ADH7: variants seen among roughly 807,000 people sequenced by gnomAD.
ADH7 encodes alcohol dehydrogenase 7 (class IV), mu or sigma polypeptide, also known as all-trans-retinol dehydrogenase [NAD(+)] ADH7.
Under a neutral mutation model 34.4 loss-of-function variants are expected in ADH7, and 41 were observed. The observed-to-expected ratio is 1.19, with a 90% CI of 0.93 to 1.55. ADH7 has a LOEUF of 1.55. ADH7 is among the 40% of genes most tolerant of loss of function. ADH7 has a pLI of 0.00. For missense variants in ADH7, 540 were observed against 461.2 expected, an observed-to-expected ratio of 1.17 and a Z score of -1.56; for synonymous variants, 180 against 160.9, an observed-to-expected ratio of 1.12 and a Z score of -0.90.
intron 6 of ADH7, among the ~76,000 whole-genome samples, 184 bp downstream of exon 6, chr4:99,420,349 G>A (rs192400140): frequency 1.4e-3 from 213 of 152,236 alleles, no homozygotes; most frequent in African/African-American, 4.8e-3. Context: ...CAGTGAACCT[G>A]CTCTTAAGTG....
chr4:99,425,713 A>G (rs1396701148), intron 5 of ADH7, among the ~76,000 whole-genome samples: 1 of 152,230 alleles, frequency 6.6e-6, no homozygotes, highest in Non-Finnish European at 1.5e-5. Flanking sequence ...AGTGGACCTA[A>G]TAGACATCTA....
intron 5 of ADH7, among the ~76,000 whole-genome samples, chr4:99,424,541 C>T (rs983834649): frequency 1.2e-4 from 19 of 152,170 alleles, no homozygotes; most frequent in African/African-American, 3.9e-4. Context: ...TCTTTGTATC[C>T]TCTTTTATTT....
At chr4:99,414,181 T>C (rs1400559118) in intron 8 of ADH7, among the ~76,000 whole-genome samples, 2 of 152,158 alleles carry the variant, frequency 1.3e-5, no homozygotes, top group Non-Finnish European at 2.9e-5. Context: ...CTGAGTAAAG[T>C]AGTACTGAGT....
intron 5 of ADH7, among the ~76,000 whole-genome samples, chr4:99,427,151 T>C (rs1721826875): frequency 6.6e-6 from 1 of 152,162 alleles, no homozygotes; most frequent in Non-Finnish European, 1.5e-5. Context: ...CCAGGGATCC[T>C]ATCTAACATC....
rs1721431803 is a variant in ADH7 at position 99,412,581 on chromosome 4, G to C, written c.*567C>G. The C allele has an allele frequency of 6.6e-6, 1 of 152,054 alleles. No homozygotes were observed. Among genetic ancestry groups the C allele is most frequent in the Non-Finnish European group, 1.5e-5 (1 of 67,974 alleles). 9.4% of individuals were successfully genotyped at this position (152,054 alleles called of 1,614,324 possible). On this transcript the variant is annotated 3_prime_UTR_variant, in exon 9 of 9. Coordinates refer to ENST00000437033, the MANE Select transcript of ADH7 (RefSeq NM_000673.7). Reference sequence around the variant, plus strand: ...CAGTTTCACCAAGTTATGTAATGATGATTCTTAATCGTTGAAAAATGTGCC... The same window carrying C: ...CAGTTTCACCAAGTTATGTAATGATCATTCTTAATCGTTGAAAAATGTGCC...
At chr4:99,429,456 C>A in intron 2 of ADH7, 76 bp downstream of exon 2, 1 of 1,019,362 alleles carries the variant, frequency 9.8e-7, no homozygotes. Flanking sequence ...TTTAAGAATC[C>A]AGCCTCACAA....
At chr4:99,417,281 T>G (rs1242452630) in intron 7 of ADH7, among the ~76,000 whole-genome samples, 1 of 152,150 alleles carries the variant, frequency 6.6e-6, no homozygotes, top group African/African-American at 2.4e-5. Context: ...CCATATAATT[T>G]AAGGTCCTCT....
In ADH7 at chr4:99,427,846, G is replaced by C. The variant is rs201288224; in HGVS notation, c.491C>G (p.Ala164Gly). Residue 164 changes from alanine (A) to glycine (G), a missense_variant, in exon 5 of 9, where the codon GCT (alanine) becomes GGT (glycine). Coordinates refer to ENST00000437033, the MANE Select transcript of ADH7 (RefSeq NM_000673.7). ...ESSVAKIDDA[A>G]PPEKVCLIGC... is the part of the protein sequence containing the mutation. ...AATTAAACAGACTTTCTCAGGAGGA[G>C]CTGCATCATCAATCTTAGCAACAGA... 4.7e-5 allele frequency: 76 copies of C among 1,612,886 alleles called. 1 individual carries two copies. In the East Asian group the frequency reaches 1.7e-3, roughly 35 times the overall value.
intron 6 of ADH7, 70 bp from the exon 7 acceptor site, chr4:99,419,191 C>T: frequency 6.7e-7 from 1 of 1,499,842 alleles, no homozygotes; most frequent in Non-Finnish European, 9.0e-7. Flanking sequence ...TCTGAAATGA[C>T]CTATGTACTA....
chr4:99,420,874 C>T, intron 5 of ADH7, 81 bp from the exon 6 acceptor site: 2 of 1,353,224 alleles, frequency 1.5e-6, no homozygotes, highest in East Asian at 2.4e-5. Flanking sequence ...GTTAAAAACA[C>T]AAATCATGAG....
chr4:99,425,871 A>G (rs1721791942), intron 5 of ADH7, among the ~76,000 whole-genome samples: 1 of 152,082 alleles, frequency 6.6e-6, no homozygotes, highest in South Asian at 2.1e-4. Context: ...CTCAGACCAC[A>G]GTGCAATCAA....
intron 5 of ADH7, among the ~76,000 whole-genome samples, chr4:99,425,982 G>A (rs538485904): frequency 1.3e-5 from 2 of 152,240 alleles, no homozygotes; most frequent in South Asian, 2.1e-4. Flanking sequence ...CGAAATGAAG[G>A]CAGAAATAAA....
chr4:99,415,578 C>CA lies in ADH7; in HGVS notation c.999dup (p.Glu334Ter). 1 of 1,613,562 alleles carries CA rather than the reference C, an allele frequency of 6.2e-7. No individual in the cohort carries two copies. The highest frequency in any genetic ancestry group is 8.5e-7 in the Non-Finnish European group (1 of 1,179,668). The stretch of plus-strand genomic sequence containing the variant: ...AGGTCAAATTTCTTTGCCAGGAACT[C>CA]AGTCACTAGTTTTGGGACATCATCT... On this transcript the variant is annotated frameshift_variant, in exon 8 of 9. Coordinates refer to ENST00000437033, the MANE Select transcript of ADH7 (RefSeq NM_000673.7). LOFTEE classifies it high-confidence loss of function.
At chr4:99,421,565 C>A (rs1443422446) in intron 5 of ADH7, among the ~76,000 whole-genome samples, 1 of 152,158 alleles carries the variant, frequency 6.6e-6, no homozygotes, top group East Asian at 1.9e-4. Context: ...AAAACCTAGG[C>A]AATACCATTC....
intron 6 of ADH7, among the ~76,000 whole-genome samples, chr4:99,419,891 G>A (rs896939574): frequency 6.6e-5 from 10 of 152,146 alleles, no homozygotes; most frequent in Non-Finnish European, 1.3e-4. Flanking sequence ...TCAATCTTGA[G>A]CAAAAGTGGC....
Position 99,427,792 on chromosome 4 carries a change from G to A in ADH7, c.545C>T (p.Ala182Val). The part of the protein sequence containing the change: ...IGCGFSTGYG[A>V]AVKTGKVKPG... ...TCTTACCTTGCCAGTTTTAACAGCA[G>A]CGCCATATCCAGTGGAAAACCCACA... Residue 182 changes from alanine (A) to valine (V), a missense_variant, in exon 5 of 9, where the codon GCT becomes GTT. Coordinates refer to ENST00000437033, the MANE Select transcript of ADH7 (RefSeq NM_000673.7). 6.4e-7 allele frequency: 1 copy of A among 1,566,576 alleles called. No individual in the cohort carries two copies. The highest frequency in any genetic ancestry group is 1.4e-5 in the African/African-American group (1 of 73,724).
chr4:99,430,183 T>A (rs1721908857), intron 1 of ADH7: 1 of 152,356 alleles, frequency 6.6e-6, no homozygotes. Flanking sequence ...GCATACAGAT[T>A]ATGACTGTGA....
intron 1 of ADH7, 57 bp from the exon 2 acceptor site, chr4:99,429,690 C>T: frequency 7.4e-6 from 9 of 1,215,830 alleles, no homozygotes; most frequent in Non-Finnish European, 1.1e-5. Flanking sequence ...CTTACAGACT[C>T]CCTGACTAGT....
At chr4:99,426,134 A>G (rs1721799251) in intron 5 of ADH7, among the ~76,000 whole-genome samples, 1 of 152,216 alleles carries the variant, frequency 6.6e-6, no homozygotes, top group African/African-American at 2.4e-5. Context: ...ACACCCTAAC[A>G]TCACAATTAA....
Sources: allele counts gnomAD v4.1 joint callset (sites outside exome capture counted in the v4.1 genomes callset), GRCh38; gene constraint gnomAD v4.1.1; transcripts MANE v1.5; gene names NCBI Gene and HGNC (gene_info 2026-07-23, HGNC 2026-07-21).